The following NWD2 variants were observed in gnomAD, a reference collection of about 807,000 sequenced individuals.
NWD2 encodes the protein NACHT and WD repeat domain-containing protein 2.
A neutral mutation model predicts 132.7 loss-of-function variants in NWD2; 37 were observed. That is an observed-to-expected ratio of 0.28 (90% confidence interval 0.21 to 0.37). The LOEUF (loss-of-function observed/expected upper bound fraction) is 0.37. NWD2 is among the 10% of genes least tolerant of loss of function. The probability of loss-of-function intolerance (pLI) is 1.00; values close to 1 mark genes in which losing one functional copy is unlikely to be tolerated. For synonymous variants in NWD2, 705 were observed against 803.0 expected (o/e 0.88, Z 2.06); for missense variants, 1,592 against 2,122.4 (o/e 0.75, Z 4.91).
At chr4:37,415,472 A>G (rs1711568694) in intron 3 of NWD2, among the ~76,000 whole-genome samples, 1 of 152,198 alleles carries the variant, frequency 6.6e-6, no homozygotes, top group South Asian at 2.1e-4. Flanking sequence ...TGGGAGGCCG[A>G]GGCAGGTGGA....
chr4:37,435,821 G>T (rs1408107625), intron 5 of NWD2, among the ~76,000 whole-genome samples: 1 of 152,050 alleles, frequency 6.6e-6, no homozygotes, highest in Non-Finnish European at 1.5e-5. Context: ...ATCTCCTGAA[G>T]ATATACATGC....
At chr4:37,264,150 A>G (rs1717703331) in intron 1 of NWD2, among the ~76,000 whole-genome samples, 1 of 152,210 alleles carries the variant, frequency 6.6e-6, no homozygotes, top group African/African-American at 2.4e-5. Context: ...ATTTGAACAG[A>G]TAACTGTCAG....
chr4:37,272,400 C>T (rs1005172471), intron 1 of NWD2, among the ~76,000 whole-genome samples: 4 of 151,648 alleles, frequency 2.6e-5, no homozygotes, highest in Non-Finnish European at 4.4e-5. Flanking sequence ...CAAAATATAC[C>T]ATCGAAGCCA....
intron 3 of NWD2, among the ~76,000 whole-genome samples, chr4:37,427,399 A>G (rs993392932): frequency 2.0e-5 from 3 of 152,228 alleles, no homozygotes; most frequent in African/African-American, 7.2e-5. Flanking sequence ...ATAAAAGGTC[A>G]TGCCTATTTG....
chr4:37,446,192 C>A lies in NWD2; in HGVS notation c.4204C>A (p.Gln1402Lys). The A allele has an allele frequency of 1.3e-6, 2 of 1,551,702 alleles. No homozygotes were observed. The highest frequency in any genetic ancestry group is 2.4e-5 in the South Asian group (2 of 84,060). The change falls in exon 7 of 7, where the codon CAG (glutamine) becomes AAG (lysine). Residue 1402 changes from glutamine to lysine, a missense_variant. By Grantham distance (53) the Gln-to-Lys change is moderately conservative. This residue lies in a region of NWD2 where 1,071 missense variants were observed against 1,398.0 expected (regional missense o/e 0.77). Transcript: ENST00000309447. This position sits in a 1 kb window ranked among gnomAD's most constrained non-coding sequence, Gnocchi z 6.7. ...TCGAATTAACGGGCAGAGAATATCT[C>A]AGCTGCTGATTACACACAATGACCA... ...LFRINGQRIS[Q>K]LLITHNDQFV...
chr4:37,385,410 T>C (rs963094993), intron 3 of NWD2, among the ~76,000 whole-genome samples: 4 of 152,192 alleles, frequency 2.6e-5, no homozygotes, highest in Middle Eastern at 3.2e-3. Context: ...CACCCTGACA[T>C]ACCCTCCTAT....
intron 3 of NWD2, among the ~76,000 whole-genome samples, chr4:37,387,989 T>C (rs1720600086): frequency 6.6e-6 from 1 of 152,074 alleles, no homozygotes; most frequent in African/African-American, 2.4e-5. Flanking sequence ...GTTCAAATCA[T>C]ACCTCTGGTA....
intron 3 of NWD2, among the ~76,000 whole-genome samples, chr4:37,385,778 A>T (rs1720550974): frequency 6.6e-6 from 1 of 152,204 alleles, no homozygotes; most frequent in Non-Finnish European, 1.5e-5. Context: ...CATCCCTAAT[A>T]GTATGATAGA....
intron 2 of NWD2, among the ~76,000 whole-genome samples, chr4:37,343,175 T>G (rs992820839): frequency 6.6e-5 from 10 of 152,218 alleles, no homozygotes; most frequent in African/African-American, 2.4e-4. Context: ...ATCTGAGTTT[T>G]AAGACTTCTC....
intron 3 of NWD2, among the ~76,000 whole-genome samples, chr4:37,372,923 G>T (rs1349136222): frequency 1.3e-5 from 2 of 152,180 alleles, no homozygotes; most frequent in Non-Finnish European, 2.9e-5. Context: ...ACTGTCCTAT[G>T]CAGTATTGCT....
chr4:37,397,181 G>A (rs1419707094), intron 3 of NWD2, among the ~76,000 whole-genome samples: 1 of 152,150 alleles, frequency 6.6e-6, no homozygotes, highest in East Asian at 1.9e-4. Flanking sequence ...CAGCAGGTGT[G>A]TCTAGGAGCT....
intron 2 of NWD2, among the ~76,000 whole-genome samples, chr4:37,351,553 A>G (rs1719763460): frequency 6.6e-6 from 1 of 151,962 alleles, no homozygotes; most frequent in Non-Finnish European, 1.5e-5. Context: ...TATTGTGTCT[A>G]TTTGGTTCTG....
intron 2 of NWD2, among the ~76,000 whole-genome samples, chr4:37,348,637 C>CATATATATAT (rs370439742): frequency 2.3e-4 from 6 of 26,550 alleles, no homozygotes; most frequent in African/African-American, 1.0e-3. Flanking sequence ...GTGGTTAATT[C>CATATATATAT]ATATATATAT....
At chr4:37,387,824 G>A (rs1291767980) in intron 3 of NWD2, among the ~76,000 whole-genome samples, 1 of 151,784 alleles carries the variant, frequency 6.6e-6, no homozygotes, top group Non-Finnish European at 1.5e-5. Context: ...ACAGGCACCC[G>A]CCATCATGCC....
At chr4:37,256,941 T>A (rs1717532992) in intron 1 of NWD2, among the ~76,000 whole-genome samples, 1 of 152,202 alleles carries the variant, frequency 6.6e-6, no homozygotes, top group East Asian at 1.9e-4. Context: ...GATCTATGAC[T>A]TCTCCCCTTG....
Position 37,446,404 on chromosome 4 carries a change from A to G in NWD2, c.4416A>G (p.Lys1472=). The change falls in exon 7 of 7, where the codon AAA becomes AAG. Residue 1472 remains lysine (K), a synonymous_variant. Transcript: ENST00000309447. This position sits in a 1 kb window ranked among gnomAD's most constrained non-coding sequence, Gnocchi z 6.7. ...VSLWTGSITK[K]FCCEDGTTIV... is the part of the protein sequence containing the mutation. ...TTTGGACAGGAAGTATCACCAAGAA[A>G]TTTTGCTGTGAAGATGGGACCACCA... is the stretch of plus-strand genomic sequence containing the variant. 6.4e-7 allele frequency: 1 copy of G among 1,551,752 alleles called. No homozygotes were observed. Among genetic ancestry groups the G allele is most frequent in the Non-Finnish European group, 8.7e-7 (1 of 1,147,010 alleles).
intron 3 of NWD2, among the ~76,000 whole-genome samples, chr4:37,401,064 T>C (rs1253848213): frequency 6.6e-6 from 1 of 152,162 alleles, no homozygotes; most frequent in East Asian, 1.9e-4. Context: ...AAAGCAGATA[T>C]AGGTAATGTA....
intron 3 of NWD2, among the ~76,000 whole-genome samples, chr4:37,428,510 T>G (rs1333037392): frequency 6.6e-6 from 1 of 152,244 alleles, no homozygotes; most frequent in Non-Finnish European, 1.5e-5. Context: ...TTTATTAGCT[T>G]AAACCAGAAG....
At position 37,439,618 on chromosome 4, in the gene NWD2, C is replaced by T. The variant is rs1326892167; in HGVS notation, c.1296+228C>T. Among the ~76,000 whole-genome samples, 1 of 152,102 alleles carries T rather than the reference C, an allele frequency of 6.6e-6. No homozygotes were observed. The highest frequency in any genetic ancestry group is 2.4e-5 in the African/African-American group (1 of 41,420). ...AAGTTTATTTTTTTCTTTCACTGTT[C>T]AGACTCATGTTGTGGGCTAGTTCCC... On this transcript the variant is annotated intron_variant, in intron 6 of 6. Coordinates refer to ENST00000309447, the MANE Select transcript of NWD2 (RefSeq NM_001144990.2). The surrounding 1 kb of genome is among the most constrained non-coding windows in gnomAD (Gnocchi z 4.5).
Sources: allele counts gnomAD v4.1 joint callset (sites outside exome capture counted in the v4.1 genomes callset), GRCh38; gene constraint gnomAD v4.1.1; regional missense constraint gnomAD v4.1.1; non-coding constraint Gnocchi (gnomAD v3.1); transcripts MANE v1.5; gene names NCBI Gene and HGNC (gene_info 2026-07-23, HGNC 2026-07-21).